The following PTPRD variants were observed in gnomAD, a reference collection of about 807,000 sequenced individuals.
PTPRD encodes the protein receptor-type tyrosine-protein phosphatase delta.
PTPRD carries 34 observed loss-of-function variants against 214.5 expected under a neutral mutation model. The ratio of observed to expected loss-of-function variants is 0.16; its 90% CI spans 0.12 to 0.21. PTPRD has a LOEUF of 0.21. Among genes scored for constraint, PTPRD ranks in the 10% least tolerant of loss-of-function variants. The pLI, the probability that PTPRD is intolerant of heterozygous loss-of-function variation, is 1.00. For missense variants in PTPRD, 2,545 were observed against 2,398.7 expected, an observed-to-expected ratio of 1.06 and a Z score of -1.27; for synonymous variants, 1,128 against 845.7, an observed-to-expected ratio of 1.33 and a Z score of -5.79.
chr9:10,131,557 G>A (rs113789177), intron 3 of PTPRD, among the ~76,000 whole-genome samples: 214 of 152,202 alleles, frequency 1.4e-3, no homozygotes, highest in African/African-American at 3.5e-3. Flanking sequence ...TCCCAAATCC[G>A]TGACCAACTT....
At chr9:9,944,503 A>T (rs2092242769) in intron 4 of PTPRD, among the ~76,000 whole-genome samples, 1 of 152,142 alleles carries the variant, frequency 6.6e-6, no homozygotes, top group Non-Finnish European at 1.5e-5. Context: ...TAATAAAAAG[A>T]TTAATAAAAA....
chr9:8,951,094 T>G (rs1468621651), intron 11 of PTPRD, among the ~76,000 whole-genome samples: 2 of 151,768 alleles, frequency 1.3e-5, no homozygotes, highest in Non-Finnish European at 2.9e-5. Context: ...ATTTTAAGGC[T>G]AAAAGTTTAT....
chr9:9,681,744 G>C (rs552877925), intron 7 of PTPRD, among the ~76,000 whole-genome samples: 1 of 151,872 alleles, frequency 6.6e-6, no homozygotes, highest in South Asian at 2.1e-4. Flanking sequence ...TGAATGTTGA[G>C]ACTAGCAGTT....
intron 3 of PTPRD, among the ~76,000 whole-genome samples, chr9:10,244,009 C>T (rs935207175): frequency 2.1e-5 from 3 of 143,666 alleles, no homozygotes; most frequent in African/African-American, 5.0e-5. Flanking sequence ...CATAATTATG[C>T]TTTCTCACAG....
At chr9:10,111,229 C>CTTTTTTTTTTTTTT (rs34045121) in intron 3 of PTPRD, among the ~76,000 whole-genome samples, 1 of 72,150 alleles carries the variant, frequency 1.4e-5, no homozygotes, top group African/African-American at 5.7e-5. Context: ...AGTTTAGTTT[C>CTTTTTTTTTTTTTT]TTTTTTTTTT....
intron 4 of PTPRD, among the ~76,000 whole-genome samples, chr9:9,951,331 C>T (rs999617935): frequency 7.9e-5 from 12 of 152,086 alleles, no homozygotes; most frequent in East Asian, 3.9e-4. Flanking sequence ...ATTAAAAGGC[C>T]GACTGTGTTA....
At chr9:9,113,606 T>A (rs749965975) in intron 10 of PTPRD, among the ~76,000 whole-genome samples, 3 of 152,102 alleles carry the variant, frequency 2.0e-5, no homozygotes, top group Non-Finnish European at 4.4e-5. Context: ...CCCAGATTTG[T>A]GTAATTAGTA....
chr9:9,109,419 T>C (rs2099803012), intron 10 of PTPRD, among the ~76,000 whole-genome samples: 1 of 152,162 alleles, frequency 6.6e-6, no homozygotes, highest in South Asian at 2.1e-4. Context: ...CTGTTTGATC[T>C]TGAATAAGTT....
chr9:8,703,472 C>T (rs757933188), intron 12 of PTPRD, among the ~76,000 whole-genome samples: 16 of 152,160 alleles, frequency 1.1e-4, no homozygotes, highest in Non-Finnish European at 2.1e-4. Flanking sequence ...TTACCAAGTC[C>T]AATGGACATG....
chr9:8,592,531 G>C (rs938370831), intron 14 of PTPRD, among the ~76,000 whole-genome samples: 1 of 152,080 alleles, frequency 6.6e-6, no homozygotes, highest in Non-Finnish European at 1.5e-5. Context: ...CTTTCATTTT[G>C]ATTACAGTCG....
chr9:8,428,316 C>G (rs1307486870), intron 35 of PTPRD, among the ~76,000 whole-genome samples: 1 of 152,190 alleles, frequency 6.6e-6, no homozygotes, highest in Non-Finnish European at 1.5e-5. Context: ...TTAGGAGATT[C>G]TGATCTGGAA....
chr9:10,575,664 A>G (rs897660153), intron 2 of PTPRD, among the ~76,000 whole-genome samples: 1 of 152,084 alleles, frequency 6.6e-6, no homozygotes, highest in Non-Finnish European at 1.5e-5. Context: ...ATTTATGGTG[A>G]TTACAAACCT....
At chr9:8,394,754 C>A (rs1210089918) in intron 36 of PTPRD, among the ~76,000 whole-genome samples, 1 of 152,106 alleles carries the variant, frequency 6.6e-6, no homozygotes, top group Non-Finnish European at 1.5e-5. Flanking sequence ...GGAACGCACT[C>A]TGATGCTCTT....
intron 5 of PTPRD, among the ~76,000 whole-genome samples, chr9:9,900,641 G>GTTTTTTTTTTTGTTTTTTTTT (rs367877727): frequency 6.7e-5 from 8 of 120,104 alleles, no homozygotes; most frequent in African/African-American, 2.2e-4. Context: ...ACATTTTCAG[G>GTTTTTTTTTTTGTTTTTTTTT]TTTTTTTTTT....
intron 33 of PTPRD, among the ~76,000 whole-genome samples, chr9:8,453,069 T>G (rs2133725235): frequency 6.6e-6 from 1 of 152,344 alleles, no homozygotes; most frequent in South Asian, 2.1e-4. Context: ...AGTTTATTTG[T>G]GTATAAAATA....
At chr9:9,664,474 T>A (rs2096677917) in intron 7 of PTPRD, among the ~76,000 whole-genome samples, 1 of 151,626 alleles carries the variant, frequency 6.6e-6, no homozygotes, top group South Asian at 2.1e-4. Context: ...TGCCCGGACA[T>A]GCAATTAGAT....
intron 44 of PTPRD, among the ~76,000 whole-genome samples, chr9:8,322,198 G>A (rs1043484295): frequency 1.3e-5 from 2 of 151,962 alleles, no homozygotes; most frequent in East Asian, 2.0e-4. Context: ...CAACAATATC[G>A]AAATTAGGCC....
intron 2 of PTPRD, among the ~76,000 whole-genome samples, chr9:10,416,293 G>A (rs114368428): frequency 0.017 from 2,558 of 151,876 alleles, 67 homozygotes; most frequent in African/African-American, 0.058. Flanking sequence ...GGGAGGCAGA[G>A]TGTTGCAGTG....
chr9:10,580,016 G>C (rs565316465), intron 2 of PTPRD, among the ~76,000 whole-genome samples: 11 of 152,186 alleles, frequency 7.2e-5, no homozygotes, highest in South Asian at 6.2e-4. Context: ...TTTTCACTCA[G>C]TTCTGAAATG....
Sources: allele counts gnomAD v4.1 joint callset (sites outside exome capture counted in the v4.1 genomes callset), GRCh38; gene constraint gnomAD v4.1.1; transcripts MANE v1.5; gene names NCBI Gene and HGNC (gene_info 2026-07-23, HGNC 2026-07-21).